MYO9A: variants seen among roughly 807,000 people sequenced by gnomAD.
MYO9A encodes unconventional myosin-IXa.
MYO9A carries 103 observed loss-of-function variants against 293.3 expected under a neutral mutation model. That is an observed-to-expected ratio of 0.35 (90% CI 0.30 to 0.41). The LOEUF is 0.41. Ranked by LOEUF, MYO9A falls within the 10% of genes least tolerant of loss-of-function variation. The probability of loss-of-function intolerance (pLI) is 1.00; values close to 1 mark genes in which losing one functional copy is unlikely to be tolerated. For missense variants in MYO9A, 2,685 were observed against 3,033.0 expected (o/e 0.89, Z 2.69); for synonymous variants, 1,001 against 1,035.7 (o/e 0.97, Z 0.64).
At chr15:71,838,022 ATTGT>A (rs1382239713) in intron 39 of MYO9A, among the ~76,000 whole-genome samples, 1 of 151,914 alleles carries the variant, frequency 6.6e-6, no homozygotes, top group African/African-American at 2.4e-5. Context: ...TTTTTCCATA[ATTGT>A]TTTTCTACCA....
chr15:71,971,443 C>T (rs2076008178), intron 12 of MYO9A, among the ~76,000 whole-genome samples: 1 of 151,760 alleles, frequency 6.6e-6, no homozygotes, highest in African/African-American at 2.4e-5. Context: ...TAAAATTAGC[C>T]AGACGTGGTG....
At chr15:72,109,101 A>G (rs1259503406) in intron 1 of MYO9A, among the ~76,000 whole-genome samples, 3 of 152,008 alleles carry the variant, frequency 2.0e-5, no homozygotes, top group Admixed American at 6.6e-5. Context: ...AATATATACA[A>G]TCACAGCCGG....
chr15:71,896,300 A>C (rs1393315694), intron 25 of MYO9A, among the ~76,000 whole-genome samples: 1 of 152,194 alleles, frequency 6.6e-6, no homozygotes, highest in Non-Finnish European at 1.5e-5. Context: ...TGTTAATGTA[A>C]AATTTATTTT....
chr15:72,029,627 C>T (rs1469984890), intron 3 of MYO9A, among the ~76,000 whole-genome samples: 2 of 152,130 alleles, frequency 1.3e-5, no homozygotes, highest in African/African-American at 2.4e-5. Context: ...TATAGGTGGA[C>T]GGACTACGAT....
In MYO9A at chr15:72,010,293, C is replaced by G. The variant is rs901023784; in HGVS notation, c.1253+57G>C. The G allele has an allele frequency of 2.8e-5, 40 of 1,440,732 alleles. No individual in the cohort carries two copies. In the African/African-American group the frequency reaches 4.6e-4, roughly 17 times the overall value. The allele number at this position is 1,440,732 out of a possible 1,614,324, so 89.2% of individuals were successfully genotyped here. A position where few individuals can be genotyped will look rare whatever the true frequency, so the allele number is the denominator to read the frequency against. On this transcript the variant is annotated intron_variant, in intron 7 of 41. Transcript: ENST00000356056. ...AAAAAGGTCAACGGCAGAAATCTTT[C>G]AAAGACATATCATGTGTTCTCTATT...
chr15:71,856,488 A>G (rs1426079024), intron 34 of MYO9A, among the ~76,000 whole-genome samples: 1 of 152,162 alleles, frequency 6.6e-6, no homozygotes, highest in African/African-American at 2.4e-5. Context: ...AGTGTTGGAA[A>G]GCAAGTAATA....
At chr15:72,011,585 A>T (rs1418218578) in intron 6 of MYO9A, among the ~76,000 whole-genome samples, 2 of 147,792 alleles carry the variant, frequency 1.4e-5, no homozygotes, top group African/African-American at 2.5e-5. Flanking sequence ...AACACGCATG[A>T]CACCATCTCA....
At chr15:71,963,899 T>TA (rs1471367544) in intron 13 of MYO9A, among the ~76,000 whole-genome samples, 1 of 152,244 alleles carries the variant, frequency 6.6e-6, no homozygotes, top group Non-Finnish European at 1.5e-5. Flanking sequence ...CATTCACTAG[T>TA]AAAACCATGT....
rs527777837 is a variant in MYO9A, at chr15:71,941,349, C to T, written c.2303-2422G>A. Among the ~76,000 whole-genome samples the T allele has an allele frequency of 2.4e-4, 37 of 152,078 alleles. 1 individual carries two copies. Among genetic ancestry groups the T allele is most frequent in the Admixed American group, 1.8e-3 (28 of 15,282 alleles). On this transcript the variant is annotated intron_variant, in intron 15 of 41. Coordinates refer to ENST00000356056, the MANE Select transcript of MYO9A (RefSeq NM_006901.4). Reference sequence around the variant, plus strand: ...ACTCAGGAGGCTGAGGGAGGAGAATCGCTCAAACCCAGAAGGCAGAGGTTG... The same window carrying T: ...ACTCAGGAGGCTGAGGGAGGAGAATTGCTCAAACCCAGAAGGCAGAGGTTG...
intron 28 of MYO9A, among the ~76,000 whole-genome samples, chr15:71,881,887 A>G (rs2056883301): frequency 6.6e-6 from 1 of 152,204 alleles, no homozygotes; most frequent in South Asian, 2.1e-4. Flanking sequence ...GATATAAGAA[A>G]CTGATAACCT....
At chr15:72,088,726 T>C (rs1448689099) in intron 1 of MYO9A, among the ~76,000 whole-genome samples, 1 of 152,220 alleles carries the variant, frequency 6.6e-6, no homozygotes, top group African/African-American at 2.4e-5. Flanking sequence ...GCTGATTATC[T>C]TATTGCTCTT....
intron 27 of MYO9A, among the ~76,000 whole-genome samples, chr15:71,885,141 T>C (rs2056983379): frequency 6.6e-6 from 1 of 152,084 alleles, no homozygotes; most frequent in African/African-American, 2.4e-5. Flanking sequence ...TGATATTTAG[T>C]GTGCTTCTGT....
At chr15:71,878,535 C>A (rs1450237127) in intron 30 of MYO9A, among the ~76,000 whole-genome samples, 1 of 152,028 alleles carries the variant, frequency 6.6e-6, no homozygotes, top group African/African-American at 2.4e-5. Context: ...TTATTTGCAT[C>A]CCTCTTAATT....
chr15:71,853,836 C>A (rs1414049562), intron 35 of MYO9A, among the ~76,000 whole-genome samples: 1 of 152,072 alleles, frequency 6.6e-6, no homozygotes, highest in East Asian at 1.9e-4. Context: ...GGAAAGAGTA[C>A]CCCTTGGAGT....
chr15:71,883,508 CATT>C, intron 28 of MYO9A, 83 bp downstream of exon 28: 2 of 1,379,758 alleles, frequency 1.4e-6, no homozygotes, highest in Non-Finnish European at 2.0e-6. Flanking sequence ...ACAGGATTGA[CATT>C]ATGAATACTA....
At chr15:71,883,842 T>C in intron 27 of MYO9A, 106 bp from the exon 28 acceptor site, 1 of 996,658 alleles carries the variant, frequency 1.0e-6, no homozygotes, top group Admixed American at 3.2e-5. Flanking sequence ...ATTAGCTCAT[T>C]TAAGCTTCAC....
chr15:71,850,748 A>AGACT (rs1439201289), intron 37 of MYO9A, among the ~76,000 whole-genome samples: 2 of 130,172 alleles, frequency 1.5e-5, no homozygotes, highest in African/African-American at 5.9e-5. Flanking sequence ...CCTGGGTGAC[A>AGACT]GACTGAAACT....
intron 2 of MYO9A, among the ~76,000 whole-genome samples, chr15:72,044,798 A>G (rs1025025165): frequency 3.3e-5 from 5 of 152,182 alleles, no homozygotes; most frequent in African/African-American, 9.7e-5. Context: ...ATTTTCACCA[A>G]CCATCACAAT....
In MYO9A at chr15:71,899,921, G is replaced by C. The variant is rs1482844420; in HGVS notation, c.3236C>G (p.Ala1079Gly). The C allele has an allele frequency of 6.2e-7, 1 of 1,614,032 alleles. No individual in the cohort carries two copies. The highest frequency in any genetic ancestry group is 8.5e-7 in the Non-Finnish European group (1 of 1,180,022). ...KDAFVMASAAALLQASWRAHL... is the reference protein window; with the variant it reads ...KDAFVMASAAGLLQASWRAHL... ...AGCACGCCAGGAAGCTTGGAGAAGA[G>C]CAGCTGCACTAGCCATAACAAAAGC... Residue 1079 changes from alanine to glycine, a missense_variant, in exon 24 of 42, where the codon GCT (alanine) becomes GGT (glycine). Transcript: ENST00000356056.
Sources: gnomAD v4.1 joint callset for allele counts (sites outside exome capture counted in the v4.1 genomes callset) on GRCh38, gnomAD v4.1.1 for gene constraint, MANE v1.5 for transcripts, NCBI Gene and HGNC (gene_info 2026-07-23, HGNC 2026-07-21) for gene names.